The following JMJD1C variants were observed in gnomAD, a reference collection of about 807,000 sequenced individuals.
JMJD1C encodes jumonji domain containing 1C.
JMJD1C carries 31 observed loss-of-function variants against 245.3 expected under a neutral mutation model. The ratio of observed to expected loss-of-function variants is 0.13; its 90% CI spans 0.09 to 0.17. The LOEUF (loss-of-function observed/expected upper bound fraction) is 0.17. Among genes scored for constraint, JMJD1C ranks in the 10% least tolerant of loss-of-function variants. The pLI, the probability that JMJD1C is intolerant of heterozygous loss-of-function variation, is 1.00. For synonymous variants in JMJD1C, 1,057 were observed against 1,017.4 expected (o/e 1.04, Z -0.74); for missense variants, 2,691 against 3,000.2 (o/e 0.90, Z 2.41).
chr10:63,221,102 C>T (rs1475232083), intron 3 of JMJD1C, among the ~76,000 whole-genome samples: 4 of 103,668 alleles, frequency 3.9e-5, no homozygotes, highest in Non-Finnish European at 7.3e-5. Flanking sequence ...AGTGAGACTC[C>T]GTCTTAAAAA....
chr10:63,357,409 G>A (rs1360310099), intron 2 of JMJD1C, among the ~76,000 whole-genome samples: 1 of 152,158 alleles, frequency 6.6e-6, no homozygotes, highest in Admixed American at 6.5e-5. Context: ...AGGTTCAAGC[G>A]ATTCTCCTGA....
Position 63,207,098 on chromosome 10 carries a change from C to G in JMJD1C, c.4571G>C (p.Cys1524Ser). The G allele has an allele frequency of 6.2e-7, 1 of 1,614,202 alleles. No homozygotes were observed. The highest frequency in any genetic ancestry group is 1.1e-5 in the South Asian group (1 of 91,084). The change falls in exon 10 of 26, where the codon TGT (cysteine) becomes TCT (serine). Residue 1524 changes from cysteine to serine, a missense_variant. Physicochemically the swap from Cys to Ser is moderately radical, Grantham distance 112 (BLOSUM62 -1). Around this residue, in one of 9 missense-constraint regions of JMJD1C, gnomAD observed 1,562 missense variants for 1,490.7 expected, o/e 1.05. Coordinates refer to ENST00000399262, the MANE Select transcript of JMJD1C (RefSeq NM_032776.3). Reference sequence around the variant, plus strand: ...AGAGTTTGCTTTGTTAATTGTACTACAGATTACAGTGCTATCCAGAGGAAG... The same window carrying G: ...AGAGTTTGCTTTGTTAATTGTACTAGAGATTACAGTGCTATCCAGAGGAAG... ...ASLPLDSTVI[C>S]STINKANSVG...
chr10:63,431,524 T>C (rs757217203), intron 1 of JMJD1C, among the ~76,000 whole-genome samples: 16 of 152,214 alleles, frequency 1.1e-4, no homozygotes, highest in Non-Finnish European at 1.8e-4. Context: ...CTGATTTTGC[T>C]AGGTGCAATA....
intron 3 of JMJD1C, among the ~76,000 whole-genome samples, chr10:63,221,337 C>A (rs926653063): frequency 2.6e-5 from 4 of 152,144 alleles, no homozygotes; most frequent in African/African-American, 9.7e-5. Flanking sequence ...CTTTTTAAGG[C>A]ACTACTCTGT....
chr10:63,397,317 A>G (rs181066034), intron 1 of JMJD1C, among the ~76,000 whole-genome samples: 531 of 152,086 alleles, frequency 3.5e-3, no homozygotes, highest in Middle Eastern at 6.8e-3. Flanking sequence ...AGGTTCAAGC[A>G]ATTCTCCTGC....
intron 1 of JMJD1C, among the ~76,000 whole-genome samples, chr10:63,404,412 T>A (rs1484277248): frequency 6.6e-6 from 1 of 152,184 alleles, no homozygotes; most frequent in Non-Finnish European, 1.5e-5. Flanking sequence ...CATGCTAATT[T>A]TTTTTTCTTT....
intron 3 of JMJD1C, among the ~76,000 whole-genome samples, chr10:63,234,510 A>AAAAAAAAAAAAC: frequency 6.7e-6 from 1 of 149,822 alleles, no homozygotes; most frequent in African/African-American, 2.5e-5. Context: ...AAAAAAAAAA[A>AAAAAAAAAAAAC]AAAAAAAAAA....
At position 63,305,627 on chromosome 10, in the gene JMJD1C, G is replaced by GGTGTGTGTGTGT. The variant is rs1420500276; in HGVS notation, c.334-40864_334-40863insACACACACACAC. Among the ~76,000 whole-genome samples, 30 of 58,718 alleles carry GGTGTGTGTGTGT rather than the reference G, an allele frequency of 5.1e-4. 1 individual carries two copies. The highest frequency in any genetic ancestry group is 1.1e-3 in the South Asian group (2 of 1,786). 38.5% of individuals were successfully genotyped at this position (58,718 alleles called of 152,430 possible). A position where few individuals can be genotyped will look rare whatever the true frequency, so the allele number is the denominator to read the frequency against. ...GACTACGGGCAAGCACCACCATGCT[G>GGTGTGTGTGTGT]GCGTGTGTGTGTGTGTGTGTGTGTG... On this transcript the variant is annotated intron_variant, in intron 2 of 25. Transcript: ENST00000399262.
chr10:63,329,897 T>C (rs961467789), intron 2 of JMJD1C, among the ~76,000 whole-genome samples: 1 of 152,144 alleles, frequency 6.6e-6, no homozygotes, highest in African/African-American at 2.4e-5. Flanking sequence ...CTGAGCATGT[T>C]TTTTTGTTTT....
intron 2 of JMJD1C, among the ~76,000 whole-genome samples, chr10:63,319,698 C>A (rs1940607687): frequency 6.6e-6 from 1 of 152,114 alleles, no homozygotes; most frequent in Admixed American, 6.5e-5. Context: ...GTGAAATATT[C>A]TCTTTAATCT....
intron 1 of JMJD1C, among the ~76,000 whole-genome samples, chr10:63,497,649 C>T (rs900714559): frequency 6.6e-6 from 1 of 152,066 alleles, no homozygotes; most frequent in African/African-American, 2.4e-5. Context: ...GTGAATTATG[C>T]CTCAATAAAG....
chr10:63,294,169 T>C (rs978879997), intron 2 of JMJD1C, among the ~76,000 whole-genome samples: 1 of 152,212 alleles, frequency 6.6e-6, no homozygotes, highest in Non-Finnish European at 1.5e-5. Context: ...TAGTTCACTA[T>C]GGTCATTTTC....
Position 63,208,787 on chromosome 10 carries a change from T to C in JMJD1C, c.2882A>G (p.Lys961Arg), listed in dbSNP as rs2133165233. 6.3e-7 allele frequency: 1 copy of C among 1,578,282 alleles called. No homozygotes were observed. The highest frequency in any genetic ancestry group is 1.7e-4 in the Middle Eastern group (1 of 5,830). ...AGACCGTAATGGTTCCATAAAAGCT[T>C]TTCTTTCTAATTCTCTGTAAAGAAA... Reference protein sequence around the residue: ...VDHHKEELERKAFMEPLRSVA... With the variant: ...VDHHKEELERRAFMEPLRSVA... Residue 961 changes from lysine (K) to arginine (R), a missense_variant, in exon 10 of 26, where the codon AAA (lysine) becomes AGA (arginine). This residue lies in a region of JMJD1C where 1,562 missense variants were observed against 1,490.7 expected (regional missense o/e 1.05). Coordinates refer to ENST00000399262, the MANE Select transcript of JMJD1C (RefSeq NM_032776.3).
intron 1 of JMJD1C, among the ~76,000 whole-genome samples, chr10:63,490,969 T>C (rs981413065): frequency 2.0e-5 from 3 of 152,218 alleles, no homozygotes; most frequent in Admixed American, 2.0e-4. Context: ...AATCTATAGA[T>C]AGCTCATTTA....
At chr10:63,223,914 C>T (rs902436629) in intron 3 of JMJD1C, among the ~76,000 whole-genome samples, 1 of 151,918 alleles carries the variant, frequency 6.6e-6, no homozygotes. Flanking sequence ...CCACCAAGCC[C>T]GGCTAATTTT....
intron 10 of JMJD1C, among the ~76,000 whole-genome samples, chr10:63,202,081 C>T (rs1045049624): frequency 6.6e-6 from 1 of 151,986 alleles, no homozygotes; most frequent in African/African-American, 2.4e-5. Flanking sequence ...AGGTGAAACC[C>T]TGTCTCTACC....
chr10:63,247,313 A>T (rs2133581433), intron 3 of JMJD1C, among the ~76,000 whole-genome samples: 1 of 152,244 alleles, frequency 6.6e-6, no homozygotes, highest in South Asian at 2.1e-4. Context: ...ACTATCAACA[A>T]CTATACAAGC....
intron 2 of JMJD1C, among the ~76,000 whole-genome samples, chr10:63,286,922 T>G (rs1858049201): frequency 6.6e-6 from 1 of 152,148 alleles, no homozygotes; most frequent in African/African-American, 2.4e-5. Flanking sequence ...GATCTCAACT[T>G]TCTATGCATA....
At chr10:63,307,492 A>T (rs939853665) in intron 2 of JMJD1C, among the ~76,000 whole-genome samples, 7 of 152,208 alleles carry the variant, frequency 4.6e-5, no homozygotes, top group Non-Finnish European at 7.3e-5. Flanking sequence ...TCATAAGGAC[A>T]GGGGCAAAGT....
Sources: gnomAD v4.1 joint callset for allele counts (sites outside exome capture counted in the v4.1 genomes callset) on GRCh38, gnomAD v4.1.1 for gene constraint, gnomAD v4.1.1 regional missense constraint, MANE v1.5 for transcripts, NCBI Gene and HGNC (gene_info 2026-07-23, HGNC 2026-07-21) for gene names.